Variants in C10orf67 observed in about 807,000 individuals in gnomAD.
C10orf67 encodes the protein uncharacterized protein C10orf67, mitochondrial.
In C10orf67, 60 loss-of-function variants were observed where a neutral mutation model predicts 35.6. The observed-to-expected ratio is 1.68, with a 90% CI of 1.37 to 2.09. The LOEUF (loss-of-function observed/expected upper bound fraction) is 2.09, where lower values mean the gene tolerates loss of function less well. Ranked by LOEUF, C10orf67 falls within the 30% of genes most tolerant of loss-of-function variation. The pLI, the probability that C10orf67 is intolerant of heterozygous loss-of-function variation, is 0.00. For missense variants in C10orf67, 474 were observed against 330.2 expected (o/e 1.44, Z -3.38); for synonymous variants, 167 against 115.8 (o/e 1.44, Z -2.84).
chr10:23,342,238 A>C (rs1845922658), intron 1 of C10orf67, among the ~76,000 whole-genome samples: 1 of 151,460 alleles, frequency 6.6e-6, no homozygotes, highest in Non-Finnish European at 1.5e-5. Flanking sequence ...ACACACACAC[A>C]CACTCTCACA....
intron 5 of C10orf67, among the ~76,000 whole-genome samples, chr10:23,297,283 C>T (rs1374203843): frequency 8.5e-6 from 1 of 117,728 alleles, no homozygotes; most frequent in African/African-American, 2.6e-5. Context: ...GATGACCCCA[C>T]CAGTCTAAGA....
intron 1 of C10orf67, among the ~76,000 whole-genome samples, chr10:23,342,107 T>G (rs1455456488): frequency 6.6e-6 from 1 of 152,100 alleles, no homozygotes; most frequent in Non-Finnish European, 1.5e-5. Flanking sequence ...AAGGCTGCAC[T>G]GAGCCATGAT....
At chr10:23,227,423 T>C (rs558709442) in intron 13 of C10orf67, among the ~76,000 whole-genome samples, 1 of 152,300 alleles carries the variant, frequency 6.6e-6, no homozygotes, top group South Asian at 2.1e-4. Flanking sequence ...AATTAGGTAT[T>C]GATGGGACAT....
At chr10:23,270,777 T>C (rs912351757) in intron 8 of C10orf67, among the ~76,000 whole-genome samples, 1 of 152,202 alleles carries the variant, frequency 6.6e-6, no homozygotes, top group Non-Finnish European at 1.5e-5. Context: ...GTGGTTCACA[T>C]GAGGAGGAGT....
intron 13 of C10orf67, among the ~76,000 whole-genome samples, chr10:23,230,804 CA>C (rs1230345549): frequency 6.6e-6 from 1 of 152,092 alleles, no homozygotes; most frequent in Admixed American, 6.5e-5. Context: ...AACAGGTTGG[CA>C]AAAATGATGA....
At chr10:23,338,780 G>A (rs192306348) in intron 1 of C10orf67, among the ~76,000 whole-genome samples, 7 of 152,228 alleles carry the variant, frequency 4.6e-5, no homozygotes, top group East Asian at 3.9e-4. Context: ...AGGCCGAGGC[G>A]GGAAGATCAC....
chr10:23,282,079 C>A lies in C10orf67; in HGVS notation c.910-1G>T. On this transcript the variant is annotated splice_acceptor_variant, in intron 7 of 15. Coordinates refer to ENST00000636213, the MANE Select transcript of C10orf67 (RefSeq NM_001371909.1). LOFTEE classifies it high-confidence loss of function. Reference sequence around the variant, plus strand: ...TTAATCTGTCTCTACTATCCATTAACTGAAATAGAGAAGAAATTATATTTT... The same window carrying A: ...TTAATCTGTCTCTACTATCCATTAAATGAAATAGAGAAGAAATTATATTTT... 1 of 556,802 alleles carries A rather than the reference C, an allele frequency of 1.8e-6. No homozygotes were observed. Among genetic ancestry groups the A allele is most frequent in the Non-Finnish European group, 3.2e-6 (1 of 309,592 alleles). 34.5% of individuals were successfully genotyped at this position (556,802 alleles called of 1,614,324 possible). A position where few individuals can be genotyped will look rare whatever the true frequency, so the allele number is the denominator to read the frequency against.
intron 4 of C10orf67, chr10:23,317,147 G>A (rs1490884668): frequency 6.6e-6 from 1 of 152,398 alleles, no homozygotes; most frequent in African/African-American, 2.4e-5. Flanking sequence ...TCCCATGCTT[G>A]TTGGCACCCA....
chr10:23,268,841 C>T (rs1302260384), intron 8 of C10orf67, among the ~76,000 whole-genome samples: 1 of 152,204 alleles, frequency 6.6e-6, no homozygotes, highest in Non-Finnish European at 1.5e-5. Flanking sequence ...CAGCATGTTA[C>T]TGTACTGAAT....
chr10:23,322,158 G>A (rs1249257179), intron 3 of C10orf67, among the ~76,000 whole-genome samples: 1 of 152,124 alleles, frequency 6.6e-6, no homozygotes, highest in Non-Finnish European at 1.5e-5. Flanking sequence ...CTGTAAAAGA[G>A]GGAAAATAAT....
intron 15 of C10orf67, among the ~76,000 whole-genome samples, chr10:23,220,456 A>T (rs1407740234): frequency 2.6e-5 from 4 of 152,184 alleles, no homozygotes; most frequent in Non-Finnish European, 5.9e-5. Flanking sequence ...TAGTCACCTG[A>T]GCTTGAAAGC....
intron 2 of C10orf67, among the ~76,000 whole-genome samples, chr10:23,322,782 C>T (rs1020919387): frequency 6.6e-6 from 1 of 152,002 alleles, no homozygotes; most frequent in Admixed American, 6.6e-5. Flanking sequence ...ACTCCTGTGA[C>T]ATGAGTTTAC....
At chr10:23,240,823 T>C (rs146161008) in intron 12 of C10orf67, among the ~76,000 whole-genome samples, 65 of 152,320 alleles carry the variant, frequency 4.3e-4, no homozygotes, top group African/African-American at 1.4e-3. Context: ...TCCCATCTAA[T>C]GAAGTGACTT....
At chr10:23,207,072 A>G (rs1841178315) in intron 15 of C10orf67, among the ~76,000 whole-genome samples, 1 of 151,976 alleles carries the variant, frequency 6.6e-6, no homozygotes, top group African/African-American at 2.4e-5. Context: ...CAAGGCCACC[A>G]ATTACAGCTC....
chr10:23,328,461 A>G (rs976430983), intron 2 of C10orf67, among the ~76,000 whole-genome samples: 3 of 152,130 alleles, frequency 2.0e-5, no homozygotes, highest in Non-Finnish European at 2.9e-5. Context: ...GGGAGCAGCC[A>G]TCTTGCTACT....
At chr10:23,255,074 AT>A (rs1321117205) in intron 10 of C10orf67, among the ~76,000 whole-genome samples, 1 of 152,180 alleles carries the variant, frequency 6.6e-6, no homozygotes, top group African/African-American at 2.4e-5. Flanking sequence ...AACACCAGTA[AT>A]GTGCCAGTGG....
intron 4 of C10orf67, among the ~76,000 whole-genome samples, chr10:23,310,504 A>G (rs1366664929): frequency 6.6e-6 from 1 of 152,228 alleles, no homozygotes; most frequent in South Asian, 2.1e-4. Context: ...AGGAGGGTCC[A>G]TGCTGGCCTG....
chr10:23,339,402 C>CAA (rs34805547), intron 1 of C10orf67, among the ~76,000 whole-genome samples: 1,445 of 72,042 alleles, frequency 0.02, 21 homozygotes, highest in African/African-American at 0.047. Flanking sequence ...AAAAAGGCAG[C>CAA]AAAAAAAAAA....
intron 10 of C10orf67, among the ~76,000 whole-genome samples, chr10:23,252,306 G>T (rs941203754): frequency 1.3e-5 from 2 of 151,342 alleles, no homozygotes; most frequent in African/African-American, 4.8e-5. Flanking sequence ...TTGTTCTTTG[G>T]TTCAGACTGT....
Sources: gnomAD v4.1 joint callset for allele counts (sites outside exome capture counted in the v4.1 genomes callset) on GRCh38, gnomAD v4.1.1 for gene constraint, MANE v1.5 for transcripts, NCBI Gene and HGNC (gene_info 2026-07-23, HGNC 2026-07-21) for gene names.